Variants in CCDC148 observed in about 807,000 individuals in gnomAD.
CCDC148 encodes the protein coiled-coil domain-containing protein 148.
Under a neutral mutation model 85.7 loss-of-function variants are expected in CCDC148, and 89 were observed. That is an observed-to-expected ratio of 1.04 (90% CI 0.87 to 1.24). The LOEUF is 1.24. Ranked by LOEUF, CCDC148 falls within the 50% of genes most tolerant of loss-of-function variation. CCDC148 has a pLI of 0.00. For missense variants in CCDC148, 692 were observed against 671.7 expected, an observed-to-expected ratio of 1.03 and a Z score of -0.33; for synonymous variants, 230 against 213.9, an observed-to-expected ratio of 1.08 and a Z score of -0.66.
At chr2:158,406,626 T>TTTTTTTTTTGTTTTTG (rs1559124631) in intron 1 of CCDC148, among the ~76,000 whole-genome samples, 4 of 29,818 alleles carry the variant, frequency 1.3e-4, no homozygotes, top group Non-Finnish European at 2.7e-4. Flanking sequence ...TTTTTTTTTT[T>TTTTTTTTTTGTTTTTG]TTTTTTTTTT....
chr2:158,429,813 C>A (rs531614952), intron 1 of CCDC148, among the ~76,000 whole-genome samples: 1 of 152,104 alleles, frequency 6.6e-6, no homozygotes, highest in Non-Finnish European at 1.5e-5. Context: ...TCTGTGATCA[C>A]TGAAGAAAAT....
intron 9 of CCDC148, among the ~76,000 whole-genome samples, chr2:158,286,122 T>C (rs970420347): frequency 6.6e-6 from 1 of 152,144 alleles, no homozygotes; most frequent in Admixed American, 6.5e-5. Flanking sequence ...AGGTTGCTTA[T>C]AAAATCAATA....
intron 9 of CCDC148, among the ~76,000 whole-genome samples, chr2:158,270,189 A>T (rs1007935251): frequency 7.2e-5 from 11 of 152,216 alleles, no homozygotes; most frequent in Admixed American, 7.2e-4. Context: ...AACTTGCTAA[A>T]CATTAACATT....
chr2:158,256,789 T>C (rs1214921447), intron 9 of CCDC148, among the ~76,000 whole-genome samples: 1 of 151,726 alleles, frequency 6.6e-6, no homozygotes, highest in African/African-American at 2.4e-5. Context: ...TGCCATTTGC[T>C]CCAGGAAGGC....
chr2:158,376,989 G>A (rs1684677318), intron 1 of CCDC148, among the ~76,000 whole-genome samples: 1 of 152,034 alleles, frequency 6.6e-6, no homozygotes, highest in East Asian at 1.9e-4. Context: ...GTGAGGAGAG[G>A]GGCTGAATGG....
chr2:158,224,767 A>G (rs1368660505), intron 10 of CCDC148, among the ~76,000 whole-genome samples: 3 of 152,212 alleles, frequency 2.0e-5, no homozygotes, highest in African/African-American at 7.2e-5. Flanking sequence ...AGATTTTGTC[A>G]CCACCAGGCC....
At chr2:158,264,018 T>C (rs2105155261) in intron 9 of CCDC148, among the ~76,000 whole-genome samples, 1 of 152,060 alleles carries the variant, frequency 6.6e-6, no homozygotes, top group Admixed American at 6.6e-5. Flanking sequence ...AGTTATTATT[T>C]TAATGAACAG....
intron 1 of CCDC148, among the ~76,000 whole-genome samples, chr2:158,406,324 G>C (rs1685994775): frequency 6.6e-6 from 1 of 152,118 alleles, no homozygotes; most frequent in Non-Finnish European, 1.5e-5. Context: ...AACACAGAGG[G>C]ATGGCAATGG....
intron 7 of CCDC148, among the ~76,000 whole-genome samples, chr2:158,334,650 C>T (rs923588891): frequency 6.6e-6 from 1 of 151,960 alleles, no homozygotes; most frequent in African/African-American, 2.4e-5. Flanking sequence ...TTATCTAATG[C>T]TATCTCTTTA....
chr2:158,266,419 GCA>G (rs1264989449), intron 9 of CCDC148, among the ~76,000 whole-genome samples: 1 of 152,144 alleles, frequency 6.6e-6, no homozygotes, highest in African/African-American at 2.4e-5. Flanking sequence ...GGATTTGTAT[GCA>G]CAATTTCCAA....
rs72429578 is a variant in CCDC148, at chr2:158,240,435, TTC to T, written c.1251+10335_1251+10336del. Among the ~76,000 whole-genome samples, 710 of 126,482 alleles carry T rather than the reference TTC, an allele frequency of 5.6e-3. 4 individuals are homozygous for T. The highest frequency in any genetic ancestry group is 0.016 in the African/African-American group (542 of 33,790). 83.0% of individuals were successfully genotyped at this position (126,482 alleles called of 152,430 possible). A position where few individuals can be genotyped will look rare whatever the true frequency, so the allele number is the denominator to read the frequency against. On this transcript the variant is annotated intron_variant, in intron 10 of 13. Transcript: ENST00000283233. Reference sequence around the variant, plus strand: ...GGGATCCAGTTAGATCACTCTCTCTTTCTCTCTCTCTCTCTCTCACACACACA... The same window carrying T: ...GGGATCCAGTTAGATCACTCTCTCTTTCTCTCTCTCTCTCTCACACACACA...
At chr2:158,175,861 T>A (rs1344580075) in intron 13 of CCDC148, among the ~76,000 whole-genome samples, 1 of 151,990 alleles carries the variant, frequency 6.6e-6, no homozygotes, top group African/African-American at 2.4e-5. Flanking sequence ...TGATATATCA[T>A]CCATCCACCC....
intron 9 of CCDC148, among the ~76,000 whole-genome samples, chr2:158,302,220 T>A (rs1379979635): frequency 2.0e-5 from 3 of 151,746 alleles, no homozygotes; most frequent in African/African-American, 7.3e-5. Flanking sequence ...GAGGAAGAAA[T>A]TAGGGGTTGT....
intron 1 of CCDC148, among the ~76,000 whole-genome samples, chr2:158,453,876 C>T (rs908954928): frequency 6.6e-6 from 1 of 152,148 alleles, no homozygotes; most frequent in African/African-American, 2.4e-5. Context: ...TTGCCCTGGG[C>T]CCCAGTGTCA....
chr2:158,250,193 A>T (rs1574484307), intron 10 of CCDC148, among the ~76,000 whole-genome samples: 3 of 152,042 alleles, frequency 2.0e-5, no homozygotes, highest in African/African-American at 7.2e-5. Context: ...TCTTCCATGG[A>T]TTATCAACAA....
At chr2:158,255,116 A>G (rs1688958086) in intron 9 of CCDC148, among the ~76,000 whole-genome samples, 1 of 151,528 alleles carries the variant, frequency 6.6e-6, no homozygotes, top group Admixed American at 6.6e-5. Context: ...AGAAAAAAAG[A>G]AAAGAAAAGA....
At chr2:158,456,335 A>G (rs752155550) in intron 1 of CCDC148, 80 bp downstream of exon 1, 239 of 1,451,562 alleles carry the variant, frequency 1.6e-4, no homozygotes, top group African/African-American at 2.4e-4. Flanking sequence ...GTGGCTGCAG[A>G]GAACAAACAT....
chr2:158,452,197 G>C (rs971323573), intron 1 of CCDC148, among the ~76,000 whole-genome samples: 2 of 152,094 alleles, frequency 1.3e-5, no homozygotes, highest in Admixed American at 6.5e-5. Context: ...CTATACCATC[G>C]TAACAGAAGT....
chr2:158,217,363 T>TGC (rs1686927281), intron 11 of CCDC148, among the ~76,000 whole-genome samples: 1 of 54,334 alleles, frequency 1.8e-5, no homozygotes, highest in Non-Finnish European at 3.8e-5. Context: ...TATAAAATTT[T>TGC]GTGTGTGTGT....
Sources: allele counts gnomAD v4.1 joint callset (sites outside exome capture counted in the v4.1 genomes callset), GRCh38; gene constraint gnomAD v4.1.1; transcripts MANE v1.5; gene names NCBI Gene and HGNC (gene_info 2026-07-23, HGNC 2026-07-21).